Variants in ERC2 observed in about 807,000 individuals in gnomAD.
The protein encoded by ERC2 is ELKS/RAB6-interacting/CAST family member 2.
In ERC2, 42 loss-of-function variants were observed where a neutral mutation model predicts 114.8. That is an observed-to-expected ratio of 0.37 (90% CI 0.29 to 0.47). The LOEUF is 0.47. Ranked by LOEUF, ERC2 falls within the 20% of genes least tolerant of loss-of-function variation. The pLI, the probability that ERC2 is intolerant of heterozygous loss-of-function variation, is 0.99. For synonymous variants in ERC2, 454 were observed against 425.5 expected (o/e 1.07, Z -0.82); for missense variants, 939 against 1,150.7 (o/e 0.82, Z 2.66).
intron 2 of ERC2, among the ~76,000 whole-genome samples, chr3:56,331,832 C>A (rs2057631157): frequency 6.6e-6 from 1 of 152,200 alleles, no homozygotes; most frequent in African/African-American, 2.4e-5. Context: ...TCCTCACTCT[C>A]CCCCGTCACC....
chr3:56,222,484 A>G (rs370183507), intron 3 of ERC2, among the ~76,000 whole-genome samples: 13 of 152,248 alleles, frequency 8.5e-5, no homozygotes, highest in African/African-American at 2.6e-4. Context: ...TCAATTCTCA[A>G]CTACAACACC....
At chr3:56,371,091 T>C (rs1371930256) in intron 2 of ERC2, among the ~76,000 whole-genome samples, 2 of 152,176 alleles carry the variant, frequency 1.3e-5, no homozygotes, top group African/African-American at 4.8e-5. Flanking sequence ...AAGTGAAGAT[T>C]CAGATTCTGG....
chr3:56,016,867 A>G (rs2073345976), intron 8 of ERC2, among the ~76,000 whole-genome samples: 1 of 152,008 alleles, frequency 6.6e-6, no homozygotes, highest in African/African-American at 2.4e-5. Context: ...TTACTTCATT[A>G]CCCCAGAGTT....
Position 56,378,675 on chromosome 3 carries a change from C to T in ERC2, c.657+55676G>A, listed in dbSNP as rs147234181. Among the ~76,000 whole-genome samples, 6 of 152,002 alleles carry T rather than the reference C, an allele frequency of 3.9e-5. No individual in the cohort carries two copies. In the East Asian group the frequency reaches 9.7e-4, roughly 24 times the overall value. ...TTTTTTCCATATAATTCCAAGTTCC[C>T]AAAAGAGCCCAAAATCATTCATATG... On this transcript the variant is annotated intron_variant, in intron 2 of 17. Transcript: ENST00000288221.
intron 2 of ERC2, among the ~76,000 whole-genome samples, chr3:56,343,694 A>G (rs2150501882): frequency 6.6e-6 from 1 of 152,364 alleles, no homozygotes; most frequent in East Asian, 1.9e-4. Flanking sequence ...CTGTAAGCTC[A>G]TAGAGGACCA....
At chr3:56,457,093 T>C (rs189546706) in intron 1 of ERC2, among the ~76,000 whole-genome samples, 97 of 152,364 alleles carry the variant, frequency 6.4e-4, no homozygotes, top group Non-Finnish European at 1.1e-3. Flanking sequence ...TCAGAAGCTG[T>C]ACACTATGAA....
At chr3:56,119,284 G>A (rs1197423519) in intron 6 of ERC2, among the ~76,000 whole-genome samples, 1 of 152,186 alleles carries the variant, frequency 6.6e-6, no homozygotes, top group African/African-American at 2.4e-5. Context: ...AAGTGTTGCA[G>A]AGAAGCAACA....
At chr3:55,539,411 C>CTTTTTTTTTTTTTTTTT (rs1559619170) in intron 17 of ERC2, among the ~76,000 whole-genome samples, 5 of 49,064 alleles carry the variant, frequency 1.0e-4, no homozygotes, top group Admixed American at 2.9e-4. Flanking sequence ...CTCTTTTTTT[C>CTTTTTTTTTTTTTTTTT]TTTCTTTTTT....
chr3:55,944,947 G>A (rs2067036452), intron 13 of ERC2, among the ~76,000 whole-genome samples: 1 of 152,154 alleles, frequency 6.6e-6, no homozygotes. Context: ...AACAGAGTCT[G>A]AAAAAATTAG....
At chr3:56,457,135 C>T (rs959212498) in intron 1 of ERC2, among the ~76,000 whole-genome samples, 46 of 152,298 alleles carry the variant, frequency 3.0e-4, no homozygotes, top group African/African-American at 8.7e-4. Context: ...ATTAATCTAA[C>T]AAAGTCAGTT....
chr3:55,910,912 T>C (rs1294183670), intron 13 of ERC2, among the ~76,000 whole-genome samples: 1 of 152,216 alleles, frequency 6.6e-6, no homozygotes, highest in African/African-American at 2.4e-5. Context: ...TCAAGCTTTC[T>C]AGAAATTCTT....
chr3:55,577,388 A>G (rs1415867822), intron 17 of ERC2, among the ~76,000 whole-genome samples: 4 of 152,214 alleles, frequency 2.6e-5, no homozygotes, highest in Non-Finnish European at 5.9e-5. Flanking sequence ...GGTAAAAATA[A>G]TAAGGTTATA....
intron 13 of ERC2, among the ~76,000 whole-genome samples, chr3:55,912,901 T>C (rs1368757863): frequency 3.3e-5 from 5 of 152,246 alleles, no homozygotes; most frequent in African/African-American, 7.2e-5. Flanking sequence ...GCCATTTTTA[T>C]AGACTTCCAA....
At chr3:56,239,386 G>A (rs1023934894) in intron 3 of ERC2, among the ~76,000 whole-genome samples, 2 of 152,108 alleles carry the variant, frequency 1.3e-5, no homozygotes, top group African/African-American at 4.8e-5. Context: ...TGCGCCTGTT[G>A]TCCCAGCTAC....
chr3:55,513,590 T>C (rs1247812975), intron 17 of ERC2, among the ~76,000 whole-genome samples: 4 of 152,034 alleles, frequency 2.6e-5, no homozygotes, highest in Non-Finnish European at 5.9e-5. Context: ...TTGTCTAGAC[T>C]TGTACATCCA....
At chr3:56,375,295 C>T (rs1326911956) in intron 2 of ERC2, among the ~76,000 whole-genome samples, 1 of 152,154 alleles carries the variant, frequency 6.6e-6, no homozygotes, top group African/African-American at 2.4e-5. Context: ...CCCAAAGGGG[C>T]TCCCAAAACA....
chr3:56,425,555 T>TTTTTC (rs1559484745), intron 2 of ERC2, among the ~76,000 whole-genome samples: 3 of 81,464 alleles, frequency 3.7e-5, no homozygotes, highest in Non-Finnish European at 2.3e-5. Context: ...ACCCCGACCC[T>TTTTTC]TTTTCTTTTT....
chr3:56,281,140 A>G (rs1445852869), intron 3 of ERC2, among the ~76,000 whole-genome samples: 1 of 152,242 alleles, frequency 6.6e-6, no homozygotes, highest in African/African-American at 2.4e-5. Flanking sequence ...ATAGGACATT[A>G]AAAGTATAGA....
chr3:56,161,883 C>G (rs2082067370), intron 4 of ERC2, among the ~76,000 whole-genome samples: 2 of 152,088 alleles, frequency 1.3e-5, no homozygotes, highest in African/African-American at 4.8e-5. Context: ...ATTTCTTTCT[C>G]TTGCCTAATT....
Sources: gnomAD v4.1 joint callset for allele counts (sites outside exome capture counted in the v4.1 genomes callset) on GRCh38, gnomAD v4.1.1 for gene constraint, MANE v1.5 for transcripts, NCBI Gene and HGNC (gene_info 2026-07-23, HGNC 2026-07-21) for gene names.